RBBP6: variants seen among roughly 807,000 people sequenced by gnomAD.
RBBP6 encodes the protein RB binding protein 6, ubiquitin ligase.
Under a neutral mutation model 167.7 loss-of-function variants are expected in RBBP6, and 25 were observed. The observed-to-expected ratio is 0.15, with a 90% CI of 0.11 to 0.21. RBBP6 has a LOEUF of 0.21. Among genes scored for constraint, RBBP6 ranks in the 10% least tolerant of loss-of-function variants. The pLI is 1.00. For missense variants in RBBP6, 1,868 were observed against 2,134.2 expected (o/e 0.88, Z 2.46); for synonymous variants, 789 against 735.8 (o/e 1.07, Z -1.17).
chr16:24,568,657 G>T, intron 16 of RBBP6, 88 bp from the exon 17 acceptor site: 1 of 1,466,188 alleles, frequency 6.8e-7, no homozygotes, highest in Non-Finnish European at 9.0e-7. Flanking sequence ...AGATGAAACC[G>T]TGAGGAAAGA....
chr16:24,546,917 T>C (rs549248044), intron 2 of RBBP6, among the ~76,000 whole-genome samples: 9 of 152,162 alleles, frequency 5.9e-5, no homozygotes, highest in Non-Finnish European at 1.2e-4. Context: ...ATTATTGGAG[T>C]AGGAAGAGAG....
Position 24,569,775 on chromosome 16 carries a change from T to A in RBBP6, c.3085T>A (p.Ser1029Thr). The change falls in exon 17 of 18, where the codon TCC becomes ACC. Residue 1029 changes from serine (S) to threonine (T), a missense_variant. Ser to Thr is a moderately conservative substitution (Grantham distance 58, BLOSUM62 1). Around this residue, in one of 7 missense-constraint regions of RBBP6, gnomAD observed 673 missense variants for 691.5 expected, o/e 0.97. Transcript: ENST00000319715. ...ACGGAAGAATGATGGATCTGCTGTG[T>A]CCAAAAAAGAAAATATTGTAAAACC... Reference protein sequence around the residue: ...TKRKNDGSAVSKKENIVKPAK... With the variant: ...TKRKNDGSAVTKKENIVKPAK... 6.2e-7 allele frequency: 1 copy of A among 1,613,636 alleles called. No homozygotes were observed. The highest frequency in any genetic ancestry group is 8.5e-7 in the Non-Finnish European group (1 of 1,179,942).
rs1899343151 is a variant in RBBP6 at position 24,571,693 on chromosome 16, C to T, written c.4627C>T (p.His1543Tyr). The part of the protein sequence containing the change: ...NSSPSRDRKP[H>Y]DHKATYDTKR... The stretch of plus-strand genomic sequence containing the variant: ...TAGTCCCTCAAGAGACAGAAAACCT[C>T]ATGATCACAAAGCCACTTATGATAC... Residue 1543 changes from histidine to tyrosine, a missense_variant, in exon 18 of 18, where the codon CAT becomes TAT. Transcript: ENST00000319715. 6.2e-7 allele frequency: 1 copy of T among 1,613,960 alleles called. No homozygotes were observed. The highest frequency in any genetic ancestry group is 8.5e-7 in the Non-Finnish European group (1 of 1,180,004).
chr16:24,542,455 G>C (rs1053745097), intron 1 of RBBP6, among the ~76,000 whole-genome samples: 17 of 147,980 alleles, frequency 1.1e-4, no homozygotes, highest in Non-Finnish European at 2.2e-4. Flanking sequence ...ATTGAATGCA[G>C]CTTTTTTTTT....
intron 7 of RBBP6, among the ~76,000 whole-genome samples, chr16:24,559,121 A>G (rs998377241): frequency 7.2e-5 from 11 of 152,114 alleles, no homozygotes; most frequent in Non-Finnish European, 2.9e-5. Flanking sequence ...ATTTTTTTCA[A>G]GAAACTTGAT....
intron 1 of RBBP6, among the ~76,000 whole-genome samples, chr16:24,542,228 A>G (rs1029524996): frequency 6.6e-6 from 1 of 152,186 alleles, no homozygotes; most frequent in Non-Finnish European, 1.5e-5. Flanking sequence ...GCATCCCTTA[A>G]CTACAACAGT....
intron 3 of RBBP6, 90 bp from the exon 4 acceptor site, chr16:24,553,423 T>C (rs1190188473): frequency 4.6e-6 from 5 of 1,091,024 alleles, no homozygotes; most frequent in Non-Finnish European, 5.5e-6. Flanking sequence ...GCCCAATATT[T>C]CAACATTAAG....
chr16:24,552,078 G>A (rs1354449442), intron 3 of RBBP6, among the ~76,000 whole-genome samples: 1 of 151,690 alleles, frequency 6.6e-6, no homozygotes, highest in Admixed American at 6.6e-5. Flanking sequence ...AAGTTATAGG[G>A]TTAGTGCATC....
chr16:24,556,259 G>C (rs1898910506), intron 6 of RBBP6, 49 bp from the exon 7 acceptor site: 3 of 1,433,514 alleles, frequency 2.1e-6, no homozygotes, highest in African/African-American at 2.9e-5. Flanking sequence ...ATTAAATAAA[G>C]ATAACTGCTT....
chr16:24,549,153 T>TG, intron 3 of RBBP6, 172 bp downstream of exon 3: 1 of 1,453,830 alleles, frequency 6.9e-7, no homozygotes, highest in Non-Finnish European at 9.0e-7. Context: ...TGGCATCACT[T>TG]GCACACTTAT....
chr16:24,555,958 T>C (rs1567274340), intron 6 of RBBP6, 41 bp downstream of exon 6: 1 of 1,480,576 alleles, frequency 6.8e-7, no homozygotes, highest in East Asian at 2.3e-5. Flanking sequence ...TTACTTTTTT[T>C]CCTTTGGAAT....
intron 1 of RBBP6, among the ~76,000 whole-genome samples, chr16:24,541,198 A>G (rs1038706278): frequency 7.5e-6 from 1 of 133,284 alleles, no homozygotes; most frequent in Non-Finnish European, 1.6e-5. Flanking sequence ...AAAAACAAAA[A>G]AAAAACCAAA....
intron 14 of RBBP6, 99 bp downstream of exon 14, chr16:24,564,964 T>C (rs1427294156): frequency 6.7e-7 from 1 of 1,489,150 alleles, no homozygotes; most frequent in Admixed American, 2.2e-5. Context: ...AGGAAGGGGG[T>C]CATTTGTTTG....
chr16:24,569,498 C>T lies in RBBP6; in HGVS notation c.2808C>T (p.His936=). Reference sequence around the variant, plus strand: ...GTAAAGGAAATAAGCATAAGAAACACAGAAAAAGAAGAAAAGGGGAGGAAA... The same window carrying T: ...GTAAAGGAAATAAGCATAAGAAACATAGAAAAAGAAGAAAAGGGGAGGAAA... The part of the protein sequence containing the change: ...GDGKGNKHKK[H]RKRRKGEESE... Residue 936 remains histidine (H), a synonymous_variant, in exon 17 of 18, where the codon CAC becomes CAT. Transcript: ENST00000319715. 6.2e-7 allele frequency: 1 copy of T among 1,608,170 alleles called. No homozygotes were observed. The highest frequency in any genetic ancestry group is 8.5e-7 in the Non-Finnish European group (1 of 1,178,616).
chr16:24,542,489 C>T (rs1240979728), intron 1 of RBBP6, among the ~76,000 whole-genome samples: 3 of 150,740 alleles, frequency 2.0e-5, no homozygotes, highest in South Asian at 4.2e-4. Context: ...AACAGAGTCT[C>T]ACTCTGTCAC....
At chr16:24,564,495 C>T (rs1390273042) in intron 13 of RBBP6, among the ~76,000 whole-genome samples, 1 of 152,088 alleles carries the variant, frequency 6.6e-6, no homozygotes, top group East Asian at 1.9e-4. Context: ...GGCTCTTTTC[C>T]TTGTATATAA....
intron 13 of RBBP6, 50 bp from the exon 14 acceptor site, chr16:24,564,747 A>G (rs774380641): frequency 6.3e-6 from 10 of 1,597,956 alleles, no homozygotes; most frequent in Non-Finnish European, 8.5e-6. Context: ...AAGGTCATGT[A>G]TTATACCCAT....
intron 4 of RBBP6, chr16:24,554,080 C>G (rs1300358954): frequency 6.6e-6 from 1 of 152,610 alleles, no homozygotes; most frequent in East Asian, 1.9e-4. Flanking sequence ...TGTTTGAACA[C>G]AGACTACATG....
At position 24,572,669 on chromosome 16, in the gene RBBP6, C is replaced by T; in HGVS notation, c.*224C>T. 1 of 505,452 alleles carries T rather than the reference C, an allele frequency of 2.0e-6. No homozygotes were observed. The highest frequency in any genetic ancestry group is 3.2e-6 in the Non-Finnish European group (1 of 316,652). 31.3% of individuals were successfully genotyped at this position (505,452 alleles called of 1,614,324 possible). On this transcript the variant is annotated 3_prime_UTR_variant, in exon 18 of 18. Coordinates refer to ENST00000319715, the MANE Select transcript of RBBP6 (RefSeq NM_006910.5). ...GTAACATGAGAGGTTTTGCTAGGGC[C>T]TATTATTTTTAACCACCATTAATTA...
Sources: gnomAD v4.1 joint callset for allele counts (sites outside exome capture counted in the v4.1 genomes callset) on GRCh38, gnomAD v4.1.1 for gene constraint, gnomAD v4.1.1 regional missense constraint, MANE v1.5 for transcripts, NCBI Gene and HGNC (gene_info 2026-07-23, HGNC 2026-07-21) for gene names.